The following ZNF268 variants were observed in gnomAD, a reference collection of about 807,000 sequenced individuals.
ZNF268 encodes zinc finger protein 3.
Under a neutral mutation model 29.3 loss-of-function variants are expected in ZNF268, and 20 were observed. The observed-to-expected ratio is 0.68, with a 90% CI of 0.48 to 0.99. ZNF268 has a LOEUF of 0.99. ZNF268 is among the 50% of genes least tolerant of loss of function. The probability of loss-of-function intolerance (pLI) is 0.00; values close to 1 mark genes in which losing one functional copy is unlikely to be tolerated. For missense variants in ZNF268, 1,240 were observed against 1,121.6 expected, an observed-to-expected ratio of 1.11 and a Z score of -1.51; for synonymous variants, 429 against 376.9, an observed-to-expected ratio of 1.14 and a Z score of -1.60.
At position 133,199,277 on chromosome 12, in the gene ZNF268, G is replaced by A. The variant is rs183804076; in HGVS notation, c.458-2867G>A. On this transcript the variant is annotated intron_variant, in intron 5 of 5. Coordinates refer to ENST00000536435, the MANE Select transcript of ZNF268 (RefSeq NM_003415.3). The stretch of plus-strand genomic sequence containing the variant: ...TTGAATTTTGTCAGAGGCCTTCTCT[G>A]CATCTATTGAGATAATCATGTGGTT... 1.2e-4 allele frequency among the ~76,000 whole-genome samples: 19 copies of A among 152,286 alleles called. No individual in the cohort carries two copies. In the East Asian group the frequency reaches 3.7e-3, roughly 29 times the overall value.
In ZNF268 at chr12:133,191,537, T is replaced by A. The variant is rs1956475416; in HGVS notation, c.283T>A (p.Trp95Arg). ...DVFVDFTWEE[W>R]QLLDPAQKCL... The stretch of plus-strand genomic sequence containing the variant: ...GTTTGTGGATTTTACCTGGGAGGAG[T>A]GGCAGCTGCTAGACCCAGCACAGAA... Residue 95 changes from tryptophan (W) to arginine (R), a missense_variant, in exon 4 of 6, where the codon TGG (tryptophan) becomes AGG (arginine). Coordinates refer to ENST00000536435, the MANE Select transcript of ZNF268 (RefSeq NM_003415.3). The A allele has an allele frequency of 6.2e-7, 1 of 1,613,760 alleles. No homozygotes were observed.
In ZNF268 at chr12:133,191,529, G is replaced by C. The variant is rs373431618; in HGVS notation, c.275G>C (p.Trp92Ser). The change falls in exon 4 of 6, where the codon TGG becomes TCG. Residue 92 changes from tryptophan to serine, a missense_variant. Trp to Ser is a radical substitution (Grantham distance 177). This residue lies in a region of ZNF268 where 1,177 missense variants were observed against 1,039.6 expected (regional missense o/e 1.13). Coordinates refer to ENST00000536435, the MANE Select transcript of ZNF268 (RefSeq NM_003415.3). ...ATGGATGTGTTTGTGGATTTTACCT[G>C]GGAGGAGTGGCAGCTGCTAGACCCA... ...SFMDVFVDFT[W>S]EEWQLLDPAQ... 3.2e-5 allele frequency: 52 copies of C among 1,613,924 alleles called. No individual in the cohort carries two copies. Among genetic ancestry groups the C allele is most frequent in the Admixed American group, 1.3e-4 (8 of 59,990 alleles).
Position 133,205,485 on chromosome 12 carries a change from T to G in ZNF268, c.*955T>G, listed in dbSNP as rs1488780436. 2.6e-5 allele frequency: 4 copies of G among 152,154 alleles called. No homozygotes were observed. Among genetic ancestry groups the G allele is most frequent in the Admixed American group, 2.6e-4 (4 of 15,270 alleles). 9.4% of individuals were successfully genotyped at this position (152,154 alleles called of 1,614,324 possible). A position where few individuals can be genotyped will look rare whatever the true frequency, so the allele number is the denominator to read the frequency against. On this transcript the variant is annotated 3_prime_UTR_variant, in exon 6 of 6. Coordinates refer to ENST00000536435, the MANE Select transcript of ZNF268 (RefSeq NM_003415.3). Reference sequence around the variant, plus strand: ...TGAGACAAAAATCATCTTCCAGAGATTTCAGTATCTCTGATACTGACAATA... The same window carrying G: ...TGAGACAAAAATCATCTTCCAGAGAGTTCAGTATCTCTGATACTGACAATA...
chr12:133,200,135 G>C (rs1293237355), intron 5 of ZNF268, among the ~76,000 whole-genome samples: 1 of 151,958 alleles, frequency 6.6e-6, no homozygotes, highest in East Asian at 1.9e-4. Flanking sequence ...GTCAATTTTG[G>C]ATCTTTCCTG....
At chr12:133,188,672 G>A (rs976226631) in intron 3 of ZNF268, among the ~76,000 whole-genome samples, 4 of 150,164 alleles carry the variant, frequency 2.7e-5, no homozygotes, top group African/African-American at 7.3e-5. Flanking sequence ...TGTATTGTTC[G>A]GGAAGCTTGT....
intron 4 of ZNF268, 54 bp from the exon 5 acceptor site, chr12:133,191,854 T>G (rs772532014): frequency 1.3e-6 from 2 of 1,583,788 alleles, no homozygotes; most frequent in South Asian, 2.2e-5. Context: ...TTCTTCAGAA[T>G]CTCTGAATCT....
rs1003539919 is a variant in ZNF268 at position 133,203,469 on chromosome 12, T to G, written c.1783T>G (p.Leu595Val). The change falls in exon 6 of 6, where the codon TTA (leucine) becomes GTA (valine). Residue 595 changes from leucine to valine, a missense_variant. Transcript: ENST00000536435. ...CACCGACTGTGGAAAGGCTTTTGGT[T>G]TAAAGTCACAGCTTATTATACACCA... ...ECTDCGKAFG[L>V]KSQLIIHQRT... 1.3e-6 allele frequency: 2 copies of G among 1,541,856 alleles called. No homozygotes were observed. The highest frequency in any genetic ancestry group is 2.7e-5 in the African/African-American group (2 of 73,032).
Position 133,207,999 on chromosome 12 carries a change from T to C in ZNF268, c.*3469T>C, listed in dbSNP as rs1956929678. The C allele has an allele frequency of 6.6e-6, 1 of 152,178 alleles. No homozygotes were observed. 9.4% of individuals were successfully genotyped at this position (152,178 alleles called of 1,614,324 possible). A position where few individuals can be genotyped will look rare whatever the true frequency, so the allele number is the denominator to read the frequency against. ...CTCCTGTAACTTGGTAGGGAATATA[T>C]GTTCTGAAAACACAAATGTCATACT... On this transcript the variant is annotated 3_prime_UTR_variant, in exon 6 of 6. Transcript: ENST00000536435.
chr12:133,198,316 G>C (rs1268873478), intron 5 of ZNF268, among the ~76,000 whole-genome samples: 3 of 150,908 alleles, frequency 2.0e-5, no homozygotes, highest in African/African-American at 4.9e-5. Context: ...GCTTGTTTTT[G>C]TCAGGTTTGT....
chr12:133,199,905 G>A (rs545790114), intron 5 of ZNF268, among the ~76,000 whole-genome samples: 77 of 152,008 alleles, frequency 5.1e-4, no homozygotes, highest in Admixed American at 7.9e-4. Context: ...TTTTTATTGC[G>A]TCTATTTTAT....
chr12:133,201,445 T>C (rs1956750258), intron 5 of ZNF268, among the ~76,000 whole-genome samples: 1 of 152,112 alleles, frequency 6.6e-6, no homozygotes, highest in Non-Finnish European at 1.5e-5. Context: ...GACCTGTGCA[T>C]CTGAAAATGT....
rs1230315055 is a variant in ZNF268, at chr12:133,213,150, T to TG, written c.*8622dup. 1 of 152,136 alleles carries TG rather than the reference T, an allele frequency of 6.6e-6. No individual in the cohort carries two copies. Among genetic ancestry groups the TG allele is most frequent in the Non-Finnish European group, 1.5e-5 (1 of 68,032 alleles). 9.4% of individuals were successfully genotyped at this position (152,136 alleles called of 1,614,324 possible). On this transcript the variant is annotated 3_prime_UTR_variant, in exon 6 of 6. Transcript: ENST00000536435. ...GATTACAGGCTTGAACCACTGCACTTGGCCTCCATATTTTTTATAATAGCC... is the reference window on the plus strand; with the variant it reads ...GATTACAGGCTTGAACCACTGCACTTGGGCCTCCATATTTTTTATAATAGCC...
At position 133,208,190 on chromosome 12, in the gene ZNF268, T is replaced by G. The variant is rs1209383761; in HGVS notation, c.*3660T>G. 6.6e-6 allele frequency: 1 copy of G among 151,296 alleles called. No individual in the cohort carries two copies. Among genetic ancestry groups the G allele is most frequent in the Non-Finnish European group, 1.5e-5 (1 of 67,776 alleles). 9.4% of individuals were successfully genotyped at this position (151,296 alleles called of 1,614,324 possible). A position where few individuals can be genotyped will look rare whatever the true frequency, so the allele number is the denominator to read the frequency against. On this transcript the variant is annotated 3_prime_UTR_variant, in exon 6 of 6. Coordinates refer to ENST00000536435, the MANE Select transcript of ZNF268 (RefSeq NM_003415.3). ...AGGGAGACCCTGTCTGTACAAAAAC[T>G]TTTTAAAAAGATTAGCCAGGTGTGG...
rs7975069 is a variant in ZNF268, at chr12:133,202,210, C to T, written c.524C>T (p.Thr175Met). ...GAAAATAAAGACAAGCTGGGAAGTA[C>T]GGCAAAAAGCTTTGAATGCACTACA... ...HQENKDKLGS[T>M]AKSFECTTFG... Residue 175 changes from threonine (T) to methionine (M), a missense_variant, in exon 6 of 6, where the codon ACG becomes ATG. Thr to Met is a moderately conservative substitution (Grantham distance 81). This residue lies in a region of ZNF268 where 1,177 missense variants were observed against 1,039.6 expected (regional missense o/e 1.13). Coordinates refer to ENST00000536435, the MANE Select transcript of ZNF268 (RefSeq NM_003415.3). The T allele has an allele frequency of 0.33, 537,170 of 1,606,872 alleles. 92,427 individuals carry two copies. Among genetic ancestry groups the T allele is most frequent in the African/African-American group, 0.42 (31,178 of 74,650 alleles).
intron 3 of ZNF268, 100 bp from the exon 4 acceptor site, chr12:133,191,389 T>A: frequency 1.4e-6 from 2 of 1,401,522 alleles, no homozygotes; most frequent in South Asian, 2.5e-5. Context: ...ACAATTTTTG[T>A]TCTCACAAAG....
Position 133,183,949 on chromosome 12 carries a change from A to G in ZNF268, c.33+1919A>G, listed in dbSNP as rs910611751. On this transcript the variant is annotated intron_variant, in intron 2 of 5. Transcript: ENST00000536435. ...CAAGTGACATGTATGAGGGAGATCA[A>G]GTAATATTAGATCATTGTCTTAGTC... 5.9e-5 allele frequency among the ~76,000 whole-genome samples: 9 copies of G among 152,352 alleles called. No homozygotes were observed. The East Asian group carries it at 1.7e-3, about 29-fold the overall frequency.
Position 133,211,601 on chromosome 12 carries a change from G to A in ZNF268, c.*7071G>A, listed in dbSNP as rs1396336211. ...AACTCCGTCTCAAAAAAAAAAAAAA[G>A]AAGATATACAGATGGCAAATAAGCA... On this transcript the variant is annotated 3_prime_UTR_variant, in exon 6 of 6. Transcript: ENST00000536435. 8.7e-5 allele frequency: 12 copies of A among 138,186 alleles called. No individual in the cohort carries two copies. The highest frequency in any genetic ancestry group is 2.6e-4 in the South Asian group (1 of 3,822). The allele number at this position is 138,186 out of a possible 1,614,324, so 8.6% of individuals were successfully genotyped here. A position where few individuals can be genotyped will look rare whatever the true frequency, so the allele number is the denominator to read the frequency against.
At position 133,212,532 on chromosome 12, in the gene ZNF268, CACAT is replaced by C. The variant is rs1354202475; in HGVS notation, c.*8004_*8007del. The stretch of plus-strand genomic sequence containing the variant: ...ACACACACACATACACACATATATA[CACAT>C]ATATATACACATATACACATATATA... On this transcript the variant is annotated 3_prime_UTR_variant, in exon 6 of 6. Coordinates refer to ENST00000536435, the MANE Select transcript of ZNF268 (RefSeq NM_003415.3). 1 of 139,568 alleles carries C rather than the reference CACAT, an allele frequency of 7.2e-6. No homozygotes were observed. The highest frequency in any genetic ancestry group is 7.2e-5 in the Admixed American group (1 of 13,824). 8.6% of individuals were successfully genotyped at this position (139,568 alleles called of 1,614,324 possible).
chr12:133,197,705 T>C (rs971473057), intron 5 of ZNF268, among the ~76,000 whole-genome samples: 1 of 152,196 alleles, frequency 6.6e-6, no homozygotes, highest in African/African-American at 2.4e-5. Context: ...ACCTGTTGTT[T>C]CCTGACTTTT....
Sources: gnomAD v4.1 joint callset for allele counts (sites outside exome capture counted in the v4.1 genomes callset) on GRCh38, gnomAD v4.1.1 for gene constraint, gnomAD v4.1.1 regional missense constraint, MANE v1.5 for transcripts, NCBI Gene and HGNC (gene_info 2026-07-23, HGNC 2026-07-21) for gene names.